Variants in SDK2 observed in about 807,000 individuals in gnomAD.
SDK2 encodes protein sidekick-2.
SDK2 carries 105 observed loss-of-function variants against 253.9 expected under a neutral mutation model. The ratio of observed to expected loss-of-function variants is 0.41; its 90% CI spans 0.35 to 0.49. The LOEUF is 0.49. SDK2 is among the 20% of genes least tolerant of loss of function. The pLI is 0.06. For missense variants in SDK2, 2,608 were observed against 3,003.0 expected, an observed-to-expected ratio of 0.87 and a Z score of 3.07; for synonymous variants, 1,249 against 1,234.9, an observed-to-expected ratio of 1.01 and a Z score of -0.24.
At chr17:73,401,922 A>G (rs1429081448) in intron 19 of SDK2, 24 bp downstream of exon 19, 3 of 1,559,572 alleles carry the variant, frequency 1.9e-6, no homozygotes, top group African/African-American at 1.4e-5. Flanking sequence ...GGGGGCAGAA[A>G]GAGCAGGGCT....
chr17:73,619,299 T>G (rs1400419758), intron 1 of SDK2, among the ~76,000 whole-genome samples: 1 of 152,060 alleles, frequency 6.6e-6, no homozygotes, highest in East Asian at 1.9e-4. Context: ...TAGCAAAACT[T>G]GAGGGCAGGC....
chr17:73,582,374 G>A (rs2045548721), intron 1 of SDK2, among the ~76,000 whole-genome samples: 1 of 152,176 alleles, frequency 6.6e-6, no homozygotes, highest in African/African-American at 2.4e-5. Flanking sequence ...AGCATTTGGG[G>A]GTGCACACCA....
intron 2 of SDK2, among the ~76,000 whole-genome samples, chr17:73,477,030 G>GC: frequency 6.6e-6 from 1 of 152,212 alleles, no homozygotes; most frequent in East Asian, 1.9e-4. Flanking sequence ...TAACAGTTCC[G>GC]CCCACTGCCT....
chr17:73,425,194 TG>T (rs1372611615), intron 12 of SDK2, among the ~76,000 whole-genome samples: 4 of 152,094 alleles, frequency 2.6e-5, no homozygotes, highest in South Asian at 2.1e-4. Context: ...CACTCCAGCC[TG>T]GGCGACACAG....
Position 73,447,562 on chromosome 17 carries a change from GCT to G in SDK2, c.613+51_613+52del. On this transcript the variant is annotated intron_variant, in intron 5 of 44. Coordinates refer to ENST00000392650, the MANE Select transcript of SDK2 (RefSeq NM_001144952.2). The surrounding 1 kb of genome is among the most constrained non-coding windows in gnomAD (Gnocchi z 4.0). The stretch of plus-strand genomic sequence containing the variant: ...CCCAATGATCCCCTGGAGCACCATT[GCT>G]AAGATTTAATGGCCCGCTCCAAGAT... The G allele has an allele frequency of 9.1e-6, 14 of 1,546,718 alleles. No homozygotes were observed. The highest frequency in any genetic ancestry group is 1.2e-5 in the Non-Finnish European group (14 of 1,142,958).
intron 12 of SDK2, among the ~76,000 whole-genome samples, chr17:73,429,879 C>T (rs2063312376): frequency 1.3e-5 from 2 of 151,962 alleles, no homozygotes; most frequent in South Asian, 4.1e-4. Flanking sequence ...GCTGCTTCCT[C>T]CCAGCCCTTT....
In SDK2 at chr17:73,481,146, C is replaced by G. The variant is rs566897612; in HGVS notation, c.225-8928G>C. ...AGGCACTGGGGAGGGGACAGGCAAG[C>G]CCAGGCGAGCTGAGCACGGGGTTCC... On this transcript the variant is annotated intron_variant, in intron 2 of 44. Transcript: ENST00000392650. This position sits in a 1 kb window ranked among gnomAD's most constrained non-coding sequence, Gnocchi z 4.5. 7.9e-5 allele frequency among the ~76,000 whole-genome samples: 12 copies of G among 152,260 alleles called. No individual in the cohort carries two copies. The South Asian group carries it at 2.5e-3, about 32-fold the overall frequency.
At chr17:73,530,538 C>A (rs1443747883) in intron 1 of SDK2, among the ~76,000 whole-genome samples, 1 of 152,120 alleles carries the variant, frequency 6.6e-6, no homozygotes, top group Non-Finnish European at 1.5e-5. Flanking sequence ...AACCATATCA[C>A]CTCCCTAGGA....
chr17:73,549,135 G>C (rs1191554308), intron 1 of SDK2, among the ~76,000 whole-genome samples: 1 of 152,244 alleles, frequency 6.6e-6, no homozygotes, highest in African/African-American at 2.4e-5. Context: ...CCCTGCGAAG[G>C]AAAAACGTAG....
chr17:73,419,405 A>G, intron 15 of SDK2, 99 bp from the exon 16 acceptor site: 1 of 1,342,480 alleles, frequency 7.4e-7, no homozygotes, highest in Admixed American at 2.0e-5. Context: ...GACTCTGGAT[A>G]ATTCGGTACA....
chr17:73,412,529 G>A (rs2063147948), intron 18 of SDK2, among the ~76,000 whole-genome samples: 1 of 152,098 alleles, frequency 6.6e-6, no homozygotes, highest in Admixed American at 6.6e-5. Context: ...ACCCCAGAAT[G>A]TGACTGTATT....
At chr17:73,401,851 C>A in intron 19 of SDK2, 95 bp downstream of exon 19, 1 of 1,402,378 alleles carries the variant, frequency 7.1e-7, no homozygotes, top group Non-Finnish European at 9.8e-7. Flanking sequence ...GGTATCTCAG[C>A]CTGGGAGACA....
chr17:73,575,032 C>T (rs1356848493), intron 1 of SDK2, among the ~76,000 whole-genome samples: 2 of 152,210 alleles, frequency 1.3e-5, no homozygotes, highest in Non-Finnish European at 2.9e-5. Context: ...TAGTCTCAGA[C>T]AATTAACCTT....
At chr17:73,533,386 A>G (rs2064186064) in intron 1 of SDK2, among the ~76,000 whole-genome samples, 2 of 152,246 alleles carry the variant, frequency 1.3e-5, no homozygotes, top group Admixed American at 6.5e-5. Context: ...GCTGGCGGGC[A>G]CATCCCCTGG....
chr17:73,643,752 G>C lies in SDK2; in HGVS notation c.64+273C>G, dbSNP rs1356897739. On this transcript the variant is annotated intron_variant, in intron 1 of 44. Coordinates refer to ENST00000392650, the MANE Select transcript of SDK2 (RefSeq NM_001144952.2). The surrounding 1 kb of genome is among the most constrained non-coding windows in gnomAD (Gnocchi z 6.9). ...CCACAGCAGACGGGGGGAGGGGAGC[G>C]CCCCTCCCACTTCACCTTGGGCTCT... 1.3e-5 allele frequency among the ~76,000 whole-genome samples: 2 copies of C among 151,992 alleles called. No individual in the cohort carries two copies. Among genetic ancestry groups the C allele is most frequent in the Non-Finnish European group, 2.9e-5 (2 of 67,950 alleles).
chr17:73,599,711 C>T (rs2045810982), intron 1 of SDK2, among the ~76,000 whole-genome samples: 1 of 152,100 alleles, frequency 6.6e-6, no homozygotes, highest in Non-Finnish European at 1.5e-5. Flanking sequence ...GCTCAAAATC[C>T]ATTCCACCAC....
chr17:73,385,927 G>C lies in SDK2; in HGVS notation c.4499-10C>G. On this transcript the variant is annotated splice_polypyrimidine_tract_variant and intron_variant, in intron 31 of 44. Coordinates refer to ENST00000392650, the MANE Select transcript of SDK2 (RefSeq NM_001144952.2). ...GGTGCTTCATCGGGGGCTGTGGAGAGAAGCAGACAGGTGGGTTCTGGGGGC... is the reference window on the plus strand; with the variant it reads ...GGTGCTTCATCGGGGGCTGTGGAGACAAGCAGACAGGTGGGTTCTGGGGGC... The C allele has an allele frequency of 6.3e-7, 1 of 1,593,444 alleles. No individual in the cohort carries two copies. The highest frequency in any genetic ancestry group is 8.5e-7 in the Non-Finnish European group (1 of 1,170,266).
At chr17:73,353,699 A>AG in intron 40 of SDK2, among the ~76,000 whole-genome samples, 1 of 52,168 alleles carries the variant, frequency 1.9e-5, no homozygotes, top group East Asian at 4.4e-4. Flanking sequence ...GTGCCTGGCC[A>AG]ATTTTTTTTT....
At chr17:73,552,804 C>T (rs945272088) in intron 1 of SDK2, among the ~76,000 whole-genome samples, 3 of 152,242 alleles carry the variant, frequency 2.0e-5, no homozygotes, top group African/African-American at 7.2e-5. Flanking sequence ...TTTGAACCAA[C>T]TCATTTGCAC....
Sources: gnomAD v4.1 joint callset for allele counts (sites outside exome capture counted in the v4.1 genomes callset) on GRCh38, gnomAD v4.1.1 for gene constraint, Gnocchi (gnomAD v3.1) non-coding constraint, MANE v1.5 for transcripts, NCBI Gene and HGNC (gene_info 2026-07-23, HGNC 2026-07-21) for gene names.